SIMC1: variants seen among roughly 807,000 people sequenced by gnomAD.
The protein encoded by SIMC1 is SUMO-interacting motif-containing protein 1.
A neutral mutation model predicts 82.3 loss-of-function variants in SIMC1; 55 were observed. The observed-to-expected ratio is 0.67, with a 90% CI of 0.54 to 0.84. The LOEUF (loss-of-function observed/expected upper bound fraction) is 0.84. Among genes scored for constraint, SIMC1 ranks in the 40% least tolerant of loss-of-function variants. The probability of loss-of-function intolerance (pLI) is 0.00; values close to 1 mark genes in which losing one functional copy is unlikely to be tolerated. For missense variants in SIMC1, 915 were observed against 1,107.2 expected, an observed-to-expected ratio of 0.83 and a Z score of 2.46; for synonymous variants, 353 against 426.3, an observed-to-expected ratio of 0.83 and a Z score of 2.12.
chr5:176,266,648 C>T (rs372135346), intron 1 of SIMC1, among the ~76,000 whole-genome samples: 1 of 109,210 alleles, frequency 9.2e-6, no homozygotes, highest in Admixed American at 1.0e-4. Flanking sequence ...GTGACTCATA[C>T]TCAAGGAGGG....
intron 1 of SIMC1, among the ~76,000 whole-genome samples, chr5:176,252,739 G>A (rs1353263502): frequency 6.6e-6 from 1 of 152,232 alleles, no homozygotes; most frequent in Non-Finnish European, 1.5e-5. Context: ...AGATGGGGTG[G>A]CGGCCGGGCA....
At chr5:176,313,047 C>T (rs554466159) in intron 4 of SIMC1, 1 of 175,628 alleles carries the variant, frequency 5.7e-6, no homozygotes, top group Non-Finnish European at 1.2e-5. Context: ...TGCGTGCCTC[C>T]AAAGCCCATG....
At chr5:176,252,731 A>T (rs1451501439) in intron 1 of SIMC1, among the ~76,000 whole-genome samples, 2 of 152,214 alleles carry the variant, frequency 1.3e-5, no homozygotes, top group Non-Finnish European at 2.9e-5. Flanking sequence ...CACTTCCCAG[A>T]TGGGGTGGCG....
In SIMC1 at chr5:176,258,860, T is replaced by C. The variant is rs1410973647; in HGVS notation, c.129+20223T>C. 2.0e-5 allele frequency among the ~76,000 whole-genome samples: 3 copies of C among 152,178 alleles called. No individual in the cohort carries two copies. In the East Asian group the frequency reaches 5.8e-4, roughly 29 times the overall value. Reference sequence around the variant, plus strand: ...TCCTGAACTGTCTTTGGGAGGTTGGTGGGTCTGGCTACCCATGAAGACAAA... The same window carrying C: ...TCCTGAACTGTCTTTGGGAGGTTGGCGGGTCTGGCTACCCATGAAGACAAA... On this transcript the variant is annotated intron_variant, in intron 1 of 9. Coordinates refer to ENST00000429602, the MANE Select transcript of SIMC1 (RefSeq NM_001308195.2).
rs111932354 is a variant in SIMC1, at chr5:176,313,722, T to C, written c.1766T>C (p.Leu589Pro). ...ACTCTGCCTGGGCGAGTCCTTTTCC[T>C]GCGTTATGTCGTTCAGACCCTAGAA... is the stretch of plus-strand genomic sequence containing the variant. ...GQTLPGRVLF[L>P]RYVVQTLEDD... Residue 589 changes from leucine to proline, a missense_variant, in exon 5 of 10, where the codon CTG becomes CCG. This residue lies in a region of SIMC1 where 902 missense variants were observed against 1,040.3 expected (regional missense o/e 0.87). Coordinates refer to ENST00000429602, the MANE Select transcript of SIMC1 (RefSeq NM_001308195.2). 6.2e-7 allele frequency: 1 copy of C among 1,613,980 alleles called. No homozygotes were observed. The highest frequency in any genetic ancestry group is 1.1e-5 in the South Asian group (1 of 91,068).
chr5:176,296,128 G>A (rs13157015), intron 3 of SIMC1, 123 bp from the exon 4 acceptor site: 2 of 1,520,936 alleles, frequency 1.3e-6, no homozygotes, highest in Non-Finnish European at 1.8e-6. Flanking sequence ...ATACCAGAAA[G>A]TGAGCAAGAG....
chr5:176,296,706 A>C (rs1282797619), intron 4 of SIMC1: 1 of 190,778 alleles, frequency 5.2e-6, no homozygotes, highest in African/African-American at 2.4e-5. Flanking sequence ...TCTGGTAATA[A>C]AGTCTACACC....
intron 7 of SIMC1, 41 bp from the exon 8 acceptor site, chr5:176,336,679 T>C: frequency 6.2e-7 from 1 of 1,606,018 alleles, no homozygotes; most frequent in South Asian, 1.1e-5. Context: ...CTTTGAAGCA[T>C]AGTTGTGATG....
At chr5:176,343,347 G>A (rs1432216924) in intron 9 of SIMC1, among the ~76,000 whole-genome samples, 1 of 152,176 alleles carries the variant, frequency 6.6e-6, no homozygotes, top group Non-Finnish European at 1.5e-5. Flanking sequence ...GTGTACTTAT[G>A]TGCAACTGGA....
At chr5:176,285,075 C>G (rs57429444) in intron 1 of SIMC1, among the ~76,000 whole-genome samples, 8,794 of 152,254 alleles carry the variant, frequency 0.058, 343 homozygotes, top group African/African-American at 0.11. Context: ...GGAGCTGGTA[C>G]CATTCCTTCT....
At chr5:176,332,579 C>T (rs772081889) in intron 7 of SIMC1, among the ~76,000 whole-genome samples, 10 of 152,088 alleles carry the variant, frequency 6.6e-5, no homozygotes, top group Admixed American at 3.3e-4. Context: ...CATGAGCCAC[C>T]GTGCCTGGCC....
Position 176,289,860 on chromosome 5 carries a change from C to T in SIMC1, c.336C>T (p.His112=), listed in dbSNP as rs2560197. ...SLSGKAVMEG[H]VDRSSQPTAR... is the part of the protein sequence containing the mutation. The stretch of plus-strand genomic sequence containing the variant: ...CTGGCAAAGCGGTGATGGAAGGGCA[C>T]GTGGACAGAAGCTCTCAGCCTACAG... Residue 112 remains histidine, a synonymous_variant, in exon 2 of 10, where the codon CAC becomes CAT. Coordinates refer to ENST00000429602, the MANE Select transcript of SIMC1 (RefSeq NM_001308195.2). 60 of 1,613,870 alleles carry T rather than the reference C, an allele frequency of 3.7e-5. No homozygotes were observed. Among genetic ancestry groups the T allele is most frequent in the Non-Finnish European group, 4.4e-5 (52 of 1,179,866 alleles).
chr5:176,324,580 C>T lies in SIMC1; in HGVS notation c.2043-49C>T, dbSNP rs766673702. ...GGACCTCCTCCCAGCCAGAGAGTGGCTCCTTGCCAGACCCTCACACTCATC... is the reference window on the plus strand; with the variant it reads ...GGACCTCCTCCCAGCCAGAGAGTGGTTCCTTGCCAGACCCTCACACTCATC... On this transcript the variant is annotated intron_variant, in intron 6 of 9. Transcript: ENST00000429602. 1.9e-6 allele frequency: 3 copies of T among 1,582,728 alleles called. No homozygotes were observed. In the Admixed American group the frequency reaches 5.4e-5, roughly 28 times the overall value.
intron 5 of SIMC1, among the ~76,000 whole-genome samples, chr5:176,316,513 C>CAAAA (rs60873841): frequency 2.4e-5 from 3 of 122,638 alleles, no homozygotes; most frequent in African/African-American, 6.2e-5. Context: ...CTAAAAAATA[C>CAAAA]AAAAAAAAAA....
chr5:176,341,168 A>C (rs752521267), intron 9 of SIMC1, among the ~76,000 whole-genome samples: 12 of 152,172 alleles, frequency 7.9e-5, no homozygotes, highest in Non-Finnish European at 1.8e-4. Context: ...AATAAAAGAC[A>C]TGAAGTAATG....
intron 1 of SIMC1, among the ~76,000 whole-genome samples, chr5:176,283,667 C>G (rs187942415): frequency 2.6e-5 from 4 of 152,304 alleles, no homozygotes; most frequent in Admixed American, 6.5e-5. Context: ...CAAATTCACA[C>G]ATAACAATAT....
chr5:176,270,311 A>G (rs1397390592), intron 1 of SIMC1: 1 of 152,124 alleles, frequency 6.6e-6, no homozygotes, highest in Non-Finnish European at 1.5e-5. Context: ...AAAAGAAGAG[A>G]ACTTCCTTAA....
chr5:176,338,649 A>C (rs1766004957), intron 9 of SIMC1, among the ~76,000 whole-genome samples: 1 of 152,194 alleles, frequency 6.6e-6, no homozygotes, highest in African/African-American at 2.4e-5. Flanking sequence ...TTATTCCCAA[A>C]TAGTGAGGGA....
intron 7 of SIMC1, among the ~76,000 whole-genome samples, chr5:176,335,008 T>C (rs1765821464): frequency 6.6e-6 from 1 of 151,676 alleles, no homozygotes. Flanking sequence ...GGAGAATTGC[T>C]TGAACCCGGG....
Sources: allele counts gnomAD v4.1 joint callset (sites outside exome capture counted in the v4.1 genomes callset), GRCh38; gene constraint gnomAD v4.1.1; regional missense constraint gnomAD v4.1.1; transcripts MANE v1.5; gene names NCBI Gene and HGNC (gene_info 2026-07-23, HGNC 2026-07-21).